Variants in CNKSR3 observed in about 807,000 individuals in gnomAD.
CNKSR3 encodes CNKSR family member 3.
In CNKSR3, 36 loss-of-function variants were observed where a neutral mutation model predicts 67.7. The observed-to-expected ratio is 0.53, with a 90% CI of 0.41 to 0.70. The LOEUF is 0.70. Among genes scored for constraint, CNKSR3 ranks in the 30% least tolerant of loss-of-function variants. The pLI is 0.00. For synonymous variants in CNKSR3, 281 were observed against 271.4 expected, an observed-to-expected ratio of 1.04 and a Z score of -0.35; for missense variants, 630 against 695.2, an observed-to-expected ratio of 0.91 and a Z score of 1.05.
chr6:154,495,987 A>G (rs1342908823), intron 1 of CNKSR3, among the ~76,000 whole-genome samples: 2 of 152,174 alleles, frequency 1.3e-5, no homozygotes, highest in Admixed American at 1.3e-4. Flanking sequence ...TAGTGAATTC[A>G]GAACAAACTC....
intron 1 of CNKSR3, among the ~76,000 whole-genome samples, chr6:154,475,168 G>A (rs192205496): frequency 5.9e-5 from 9 of 152,262 alleles, no homozygotes; most frequent in Admixed American, 3.9e-4. Context: ...TGGTCTTGAG[G>A]TCCAGGCCCA....
chr6:154,448,426 C>T (rs1271228361), intron 2 of CNKSR3, among the ~76,000 whole-genome samples: 1 of 99,280 alleles, frequency 1.0e-5, no homozygotes, highest in Non-Finnish European at 2.0e-5. Context: ...AACTCAAACA[C>T]GTTTGTACAA....
At chr6:154,478,879 G>C (rs971373890) in intron 1 of CNKSR3, among the ~76,000 whole-genome samples, 1 of 152,328 alleles carries the variant, frequency 6.6e-6, no homozygotes, top group Non-Finnish European at 1.5e-5. Flanking sequence ...TATCTGCCAA[G>C]ACACTTAAAG....
chr6:154,484,438 G>A (rs1458371724), intron 1 of CNKSR3, among the ~76,000 whole-genome samples: 1 of 152,166 alleles, frequency 6.6e-6, no homozygotes, highest in Non-Finnish European at 1.5e-5. Context: ...GGGCACAGTG[G>A]CTCACGCCTG....
intron 1 of CNKSR3, among the ~76,000 whole-genome samples, chr6:154,508,362 G>T (rs756508166): frequency 6.6e-6 from 1 of 151,658 alleles, no homozygotes; most frequent in African/African-American, 2.4e-5. Flanking sequence ...GTGTATTTTA[G>T]ACTTACAGCA....
intron 10 of CNKSR3, among the ~76,000 whole-genome samples, chr6:154,413,572 C>T (rs779578101): frequency 2.6e-5 from 4 of 151,990 alleles, no homozygotes; most frequent in Non-Finnish European, 5.9e-5. Flanking sequence ...ACATCTTTCT[C>T]AGCAAAATCA....
intron 4 of CNKSR3, among the ~76,000 whole-genome samples, chr6:154,439,461 G>A (rs935824845): frequency 6.6e-6 from 1 of 152,122 alleles, no homozygotes; most frequent in African/African-American, 2.4e-5. Context: ...ACATTGCAGT[G>A]GGGACAGCCT....
chr6:154,421,727 C>T (rs1226189326), intron 9 of CNKSR3, among the ~76,000 whole-genome samples: 1 of 152,168 alleles, frequency 6.6e-6, no homozygotes, highest in Non-Finnish European at 1.5e-5. Flanking sequence ...GCACTCACCG[C>T]CCCCAACCCT....
rs1382259507 is a variant in CNKSR3, at chr6:154,422,537, T to C, written c.914A>G (p.Lys305Arg). Reference protein sequence around the residue: ...GSFNFTPAPLKNLRWKPPLVQ... With the variant: ...GSFNFTPAPLRNLRWKPPLVQ... ...AAGAGGTGGCTTCCACCGTAGGTTT[T>C]TCAGGGGAGCAGGAGTAAAGTTGAA... The change falls in exon 9 of 13, where the codon AAA becomes AGA. Residue 305 changes from lysine (K) to arginine (R), a missense_variant. By Grantham distance (26) the Lys-to-Arg change is conservative (BLOSUM62 2). Coordinates refer to ENST00000607772, the MANE Select transcript of CNKSR3 (RefSeq NM_173515.4). 6.2e-7 allele frequency: 1 copy of C among 1,614,046 alleles called. No homozygotes were observed. The highest frequency in any genetic ancestry group is 1.3e-5 in the African/African-American group (1 of 74,926).
At chr6:154,448,087 T>A (rs1785743791) in intron 2 of CNKSR3, among the ~76,000 whole-genome samples, 1 of 152,084 alleles carries the variant, frequency 6.6e-6, no homozygotes, top group South Asian at 2.1e-4. Flanking sequence ...CAAAGCTTGG[T>A]CTACAAAGGA....
chr6:154,438,183 AT>A (rs1184077546), intron 4 of CNKSR3, among the ~76,000 whole-genome samples: 1 of 152,108 alleles, frequency 6.6e-6, no homozygotes, highest in African/African-American at 2.4e-5. Flanking sequence ...TCTGTATCTA[AT>A]TTTACATAAA....
At chr6:154,490,483 C>A (rs758809050) in intron 1 of CNKSR3, among the ~76,000 whole-genome samples, 1 of 152,060 alleles carries the variant, frequency 6.6e-6, no homozygotes, top group Non-Finnish European at 1.5e-5. Flanking sequence ...TGTGTATATA[C>A]GTATACAATA....
chr6:154,443,935 G>T (rs1365049263), intron 2 of CNKSR3, among the ~76,000 whole-genome samples: 3 of 151,990 alleles, frequency 2.0e-5, no homozygotes, highest in Non-Finnish European at 4.4e-5. Flanking sequence ...AGCTTATGTG[G>T]GTGCTTCAAA....
chr6:154,483,742 C>A (rs1260106740), intron 1 of CNKSR3, among the ~76,000 whole-genome samples: 2 of 152,144 alleles, frequency 1.3e-5, no homozygotes, highest in South Asian at 2.1e-4. Context: ...TTCATTTGTG[C>A]TCCTCTGAAC....
rs1411185992 is a variant in CNKSR3 at position 154,397,681 on chromosome 6, G to C, written c.*8673C>G. Reference sequence around the variant, plus strand: ...GACAGTAGAGCCTGCAACTGTGATGGAATTAACAGGGTAGGCCCTGCAAAC... The same window carrying C: ...GACAGTAGAGCCTGCAACTGTGATGCAATTAACAGGGTAGGCCCTGCAAAC... On this transcript the variant is annotated 3_prime_UTR_variant, in exon 13 of 13. Coordinates refer to ENST00000607772, the MANE Select transcript of CNKSR3 (RefSeq NM_173515.4). The C allele has an allele frequency of 6.6e-6, 1 of 151,880 alleles. No homozygotes were observed. Among genetic ancestry groups the C allele is most frequent in the Non-Finnish European group, 1.5e-5 (1 of 68,008 alleles). The allele number at this position is 151,880 out of a possible 1,614,324, so 9.4% of individuals were successfully genotyped here.
At chr6:154,506,171 T>C (rs1211456559) in intron 1 of CNKSR3, among the ~76,000 whole-genome samples, 1 of 151,932 alleles carries the variant, frequency 6.6e-6, no homozygotes. Context: ...CAATATCTAT[T>C]CTCCCCTTTT....
chr6:154,491,330 C>T (rs1218922540), intron 1 of CNKSR3, among the ~76,000 whole-genome samples: 1 of 152,230 alleles, frequency 6.6e-6, no homozygotes, highest in Non-Finnish European at 1.5e-5. Context: ...TTATTCACTG[C>T]ACCTAGAAAA....
At chr6:154,407,010 C>T (rs1399987584) in intron 12 of CNKSR3, among the ~76,000 whole-genome samples, 1 of 151,886 alleles carries the variant, frequency 6.6e-6, no homozygotes, top group Non-Finnish European at 1.5e-5. Context: ...GGAGGGCCCT[C>T]GGCCTGCCCA....
chr6:154,485,883 CAAG>C (rs1786655621), intron 1 of CNKSR3, among the ~76,000 whole-genome samples: 1 of 152,168 alleles, frequency 6.6e-6, no homozygotes, highest in African/African-American at 2.4e-5. Flanking sequence ...TCTTGGCTCC[CAAG>C]AAGAACCGGG....
Sources: allele counts gnomAD v4.1 joint callset (sites outside exome capture counted in the v4.1 genomes callset), GRCh38; gene constraint gnomAD v4.1.1; transcripts MANE v1.5; gene names NCBI Gene and HGNC (gene_info 2026-07-23, HGNC 2026-07-21).